ZBTB20: variants seen among roughly 807,000 people sequenced by gnomAD.
ZBTB20 encodes the protein zinc finger and BTB domain-containing protein 20.
Under a neutral mutation model 56.9 loss-of-function variants are expected in ZBTB20, and 9 were observed. The ratio of observed to expected loss-of-function variants is 0.16; its 90% confidence interval spans 0.10 to 0.28. The LOEUF (loss-of-function observed/expected upper bound fraction) is 0.28. ZBTB20 is among the 10% of genes least tolerant of loss of function. ZBTB20 has a pLI of 1.00. For missense variants in ZBTB20, 655 were observed against 1,003.0 expected (o/e 0.65, Z 4.69); for synonymous variants, 417 against 420.7 (o/e 0.99, Z 0.11).
At chr3:114,809,907 C>T (rs560083747) in intron 4 of ZBTB20, among the ~76,000 whole-genome samples, 1 of 152,312 alleles carries the variant, frequency 6.6e-6, no homozygotes, top group Non-Finnish European at 1.5e-5. Flanking sequence ...TGTGCAGCCT[C>T]TCTTCCCCAT....
intron 4 of ZBTB20, among the ~76,000 whole-genome samples, chr3:114,809,951 T>A (rs2072394701): frequency 6.6e-6 from 1 of 152,206 alleles, no homozygotes; most frequent in Non-Finnish European, 1.5e-5. Context: ...GCTCAGTTTG[T>A]GTAATTTCCA....
chr3:114,952,807 A>G (rs1012835764), intron 3 of ZBTB20, among the ~76,000 whole-genome samples: 4 of 152,178 alleles, frequency 2.6e-5, no homozygotes, highest in African/African-American at 9.6e-5. Context: ...AGAATTCTAT[A>G]TCCTGTATAA....
At chr3:115,126,613 A>G (rs773337721) in intron 1 of ZBTB20, among the ~76,000 whole-genome samples, 50 of 152,330 alleles carry the variant, frequency 3.3e-4, no homozygotes, top group Non-Finnish European at 5.7e-4. Context: ...AGATAAATAC[A>G]GCAGGCTATT....
intron 6 of ZBTB20, among the ~76,000 whole-genome samples, chr3:114,652,358 C>T (rs1238294424): frequency 6.6e-6 from 1 of 151,926 alleles, no homozygotes; most frequent in Non-Finnish European, 1.5e-5. Flanking sequence ...GTTTTATTTG[C>T]TTGTTAGTAT....
chr3:114,574,088 TAATAA>T (rs1373205490), intron 6 of ZBTB20, among the ~76,000 whole-genome samples: 1 of 152,194 alleles, frequency 6.6e-6, no homozygotes, highest in African/African-American at 2.4e-5. Context: ...AAACTTTTCC[TAATAA>T]AATATTGTTT....
At chr3:115,095,351 A>G (rs896558326) in intron 1 of ZBTB20, among the ~76,000 whole-genome samples, 1 of 152,136 alleles carries the variant, frequency 6.6e-6, no homozygotes, top group African/African-American at 2.4e-5. Context: ...ACAAAACACC[A>G]AGGCTAGAGT....
At chr3:114,786,171 C>G (rs1221355411) in intron 5 of ZBTB20, among the ~76,000 whole-genome samples, 1 of 151,528 alleles carries the variant, frequency 6.6e-6, no homozygotes, top group Admixed American at 6.6e-5. Flanking sequence ...ACTTTAAGTT[C>G]TGGGATACAT....
chr3:115,124,501 T>C (rs564416953), intron 1 of ZBTB20, among the ~76,000 whole-genome samples: 18 of 152,318 alleles, frequency 1.2e-4, no homozygotes, highest in African/African-American at 4.3e-4. Flanking sequence ...AAATTAAAAT[T>C]TAGCTTGGGG....
intron 10 of ZBTB20, among the ~76,000 whole-genome samples, chr3:114,353,878 C>A (rs2080941427): frequency 6.6e-6 from 1 of 152,174 alleles, no homozygotes; most frequent in Admixed American, 6.5e-5. Context: ...GAAACTTGCT[C>A]AAGTACACAC....
At chr3:114,934,541 T>C (rs2076467781) in intron 3 of ZBTB20, among the ~76,000 whole-genome samples, 1 of 152,198 alleles carries the variant, frequency 6.6e-6, no homozygotes, top group Non-Finnish European at 1.5e-5. Flanking sequence ...AATAAATTAA[T>C]TAATCATCTC....
chr3:114,836,204 C>A (rs897409057), intron 4 of ZBTB20, among the ~76,000 whole-genome samples: 3 of 152,132 alleles, frequency 2.0e-5, no homozygotes, highest in African/African-American at 7.2e-5. Flanking sequence ...AAATTATAAT[C>A]AAAATACTAC....
At chr3:114,602,038 T>A (rs2056798355) in intron 6 of ZBTB20, among the ~76,000 whole-genome samples, 2 of 151,936 alleles carry the variant, frequency 1.3e-5, no homozygotes, top group Admixed American at 6.6e-5. Context: ...GTTAGATCAG[T>A]GGTAGAGAAA....
At chr3:114,596,081 T>G (rs560129320) in intron 6 of ZBTB20, among the ~76,000 whole-genome samples, 1 of 152,218 alleles carries the variant, frequency 6.6e-6, no homozygotes, top group East Asian at 1.9e-4. Flanking sequence ...ATATTTTTTC[T>G]TTGTGTAGCC....
At chr3:114,752,338 T>C (rs2067629840) in intron 5 of ZBTB20, among the ~76,000 whole-genome samples, 1 of 152,154 alleles carries the variant, frequency 6.6e-6, no homozygotes, top group Admixed American at 6.6e-5. Context: ...ATCTACCTTA[T>C]TAGGGTTGGG....
At chr3:114,719,961 G>A (rs919146044) in intron 5 of ZBTB20, among the ~76,000 whole-genome samples, 3 of 151,594 alleles carry the variant, frequency 2.0e-5, no homozygotes, top group East Asian at 1.9e-4. Context: ...CCATTTGCCC[G>A]GCAGATCTAA....
At chr3:114,366,812 G>C (rs929458070) in intron 10 of ZBTB20, 2 of 152,252 alleles carry the variant, frequency 1.3e-5, no homozygotes, top group Non-Finnish European at 2.9e-5. Context: ...CAATGAGCCA[G>C]TGACTGTTAC....
intron 6 of ZBTB20, among the ~76,000 whole-genome samples, chr3:114,584,658 T>A (rs1420996999): frequency 1.3e-5 from 2 of 152,252 alleles, no homozygotes; most frequent in Non-Finnish European, 2.9e-5. Context: ...CTGGAGACAG[T>A]AATGTGTGCA....
chr3:114,409,457 T>C (rs1258190112), intron 7 of ZBTB20, among the ~76,000 whole-genome samples: 3 of 151,886 alleles, frequency 2.0e-5, no homozygotes, highest in African/African-American at 4.8e-5. Context: ...GATTAAACGG[T>C]ATGTTCATGG....
At chr3:114,784,151 C>T (rs1476345144) in intron 5 of ZBTB20, among the ~76,000 whole-genome samples, 35 of 152,130 alleles carry the variant, frequency 2.3e-4, no homozygotes, top group Admixed American at 2.3e-3. Flanking sequence ...TGCTGTCCTC[C>T]TTCATTTTAA....
Sources: gnomAD v4.1 joint callset for allele counts (sites outside exome capture counted in the v4.1 genomes callset) on GRCh38, gnomAD v4.1.1 for gene constraint, MANE v1.5 for transcripts, NCBI Gene and HGNC (gene_info 2026-07-23, HGNC 2026-07-21) for gene names.